GLI3: variants seen among roughly 807,000 people sequenced by gnomAD.
GLI3 encodes the protein transcription activator GLI3.
A neutral mutation model predicts 100.8 loss-of-function variants in GLI3; 20 were observed. The ratio of observed to expected loss-of-function variants is 0.20; its 90% CI spans 0.14 to 0.29. The LOEUF (loss-of-function observed/expected upper bound fraction) is 0.29. Among genes scored for constraint, GLI3 ranks in the 10% least tolerant of loss-of-function variants. The pLI is 1.00. For synonymous variants in GLI3, 938 were observed against 860.5 expected (o/e 1.09, Z -1.58); for missense variants, 2,040 against 2,128.5 (o/e 0.96, Z 0.82).
At chr7:42,258,852 A>G (rs779329936) in intron 1 of GLI3, among the ~76,000 whole-genome samples, 14 of 152,210 alleles carry the variant, frequency 9.2e-5, no homozygotes, top group Non-Finnish European at 7.3e-5. Context: ...GGATTTCAAC[A>G]TATGAATTTT....
chr7:42,223,297 T>C lies in GLI3; in HGVS notation c.-42-2A>G. On this transcript the variant is annotated splice_acceptor_variant, in intron 1 of 14. Transcript: ENST00000395925. LOFTEE classifies it low-confidence loss of function (5UTR_SPLICE). ...CAGCTCTCTTCGACCAAAAATGCCC[T>C]AAAGAAAACAACAGAGCCATCAACT... The C allele has an allele frequency of 6.4e-7, 1 of 1,552,854 alleles. No homozygotes were observed.
At chr7:42,140,597 A>G (rs1786544293) in intron 3 of GLI3, among the ~76,000 whole-genome samples, 1 of 152,220 alleles carries the variant, frequency 6.6e-6, no homozygotes, top group Non-Finnish European at 1.5e-5. Context: ...TCCAAACTAT[A>G]TCAGAAGACA....
intron 1 of GLI3, among the ~76,000 whole-genome samples, chr7:42,257,354 CTTTTT>C (rs61449410): frequency 1.5e-5 from 2 of 130,584 alleles, no homozygotes; most frequent in Non-Finnish European, 3.3e-5. Flanking sequence ...ATCATTCAGT[CTTTTT>C]TTTTTTTTTT....
intron 2 of GLI3, chr7:42,150,147 C>G (rs945182954): frequency 6.6e-6 from 1 of 152,086 alleles, no homozygotes. Context: ...ATCCTCATCC[C>G]AAACTTTATA....
intron 2 of GLI3, among the ~76,000 whole-genome samples, chr7:42,215,222 T>C (rs1207012755): frequency 1.3e-5 from 2 of 152,216 alleles, no homozygotes; most frequent in East Asian, 3.9e-4. Flanking sequence ...GGCAGCTATG[T>C]GAACTTACGG....
In GLI3 at chr7:42,193,312, G is replaced by A. The variant is rs1447948685; in HGVS notation, c.124+29818C>T. 3.3e-5 allele frequency among the ~76,000 whole-genome samples: 5 copies of A among 151,956 alleles called. No individual in the cohort carries two copies. In the East Asian group the frequency reaches 7.8e-4, roughly 24 times the overall value. On this transcript the variant is annotated intron_variant, in intron 2 of 14. Transcript: ENST00000395925. Reference sequence around the variant, plus strand: ...TTATAAACAATGAGCCCATTCAAAAGGGGTTTAAAAAAATCCCTCGAGGAA... The same window carrying A: ...TTATAAACAATGAGCCCATTCAAAAAGGGTTTAAAAAAATCCCTCGAGGAA...
In GLI3 at chr7:42,096,000, G is replaced by A. The variant is rs186346381; in HGVS notation, c.368-19143C>T. Among the ~76,000 whole-genome samples the A allele has an allele frequency of 2.0e-3, 306 of 152,248 alleles. 1 individual carries two copies. Among genetic ancestry groups the A allele is most frequent in the African/African-American group, 6.8e-3 (281 of 41,542 alleles). On this transcript the variant is annotated intron_variant, in intron 3 of 14. Transcript: ENST00000395925. The stretch of plus-strand genomic sequence containing the variant: ...GAGACACAGGACAACCACCAGTCAG[G>A]GGCCTCCAAGGGGCCAGAGGGAGGA...
At chr7:41,989,289 C>T (rs1787919085) in intron 10 of GLI3, among the ~76,000 whole-genome samples, 1 of 152,198 alleles carries the variant, frequency 6.6e-6, no homozygotes, top group Non-Finnish European at 1.5e-5. Context: ...GAAAACCATT[C>T]TCCAAAGAGG....
intron 3 of GLI3, chr7:42,145,649 A>T (rs891017860): frequency 2.5e-6 from 1 of 397,572 alleles, no homozygotes; most frequent in Admixed American, 4.4e-5. Context: ...GTCTACACTG[A>T]ATCAAATACA....
At chr7:42,164,757 G>A (rs1787204721) in intron 2 of GLI3, among the ~76,000 whole-genome samples, 1 of 151,872 alleles carries the variant, frequency 6.6e-6, no homozygotes, top group South Asian at 2.1e-4. Context: ...ATGAACTCAG[G>A]AGGTGGAGCT....
rs770842648 is a variant in GLI3 at position 41,965,761 on chromosome 7, G to A, written c.3312C>T (p.Asn1104=). 4 of 1,613,314 alleles carry A rather than the reference G, an allele frequency of 2.5e-6. No homozygotes were observed. The Admixed American group carries it at 6.7e-5, about 27-fold the overall frequency. ...GGAAGTGCTGCTCGTACCCTGCTTGGTTCTGGGAATTTAAATACTGCACCA... is the reference window on the plus strand; with the variant it reads ...GGAAGTGCTGCTCGTACCCTGCTTGATTCTGGGAATTTAAATACTGCACCA... ...DDVVQYLNSQ[N]QAGYEQHFPS... Residue 1104 remains asparagine (N), a synonymous_variant, in exon 15 of 15, where the codon AAC becomes AAT. Transcript: ENST00000395925.
chr7:41,966,373 G>A lies in GLI3; in HGVS notation c.2700C>T (p.Thr900=). The A allele has an allele frequency of 1.2e-6, 2 of 1,609,228 alleles. No homozygotes were observed. The highest frequency in any genetic ancestry group is 1.7e-6 in the Non-Finnish European group (2 of 1,179,340). ...SVADSYDPIS[T]DASRRSSEAS... is the part of the protein sequence containing the mutation. ...CTTCGCTGGAGCGGCGCGAGGCGTC[G>A]GTGGAGATGGGGTCGTAGGAGTCGG... The change falls in exon 15 of 15, where the codon ACC becomes ACT. Residue 900 remains threonine (T), a synonymous_variant. Transcript: ENST00000395925. This position sits in a 1 kb window ranked among gnomAD's most constrained non-coding sequence, Gnocchi z 5.8.
At chr7:42,067,800 A>G (rs552653025) in intron 4 of GLI3, among the ~76,000 whole-genome samples, 1 of 152,298 alleles carries the variant, frequency 6.6e-6, no homozygotes, top group Non-Finnish European at 1.5e-5. Context: ...GAATGTCTTC[A>G]AGGGCAACTG....
intron 1 of GLI3, among the ~76,000 whole-genome samples, chr7:42,248,796 T>G (rs1789001057): frequency 6.6e-6 from 1 of 151,736 alleles, no homozygotes; most frequent in Non-Finnish European, 1.5e-5. Context: ...TTTTATTCAT[T>G]TATTTTTTTT....
intron 2 of GLI3, among the ~76,000 whole-genome samples, chr7:42,164,521 AAAAAAT>A (rs532036144): frequency 4.0e-5 from 6 of 151,722 alleles, no homozygotes; most frequent in Non-Finnish European, 7.4e-5. Flanking sequence ...CTTGTCTAAA[AAAAAAT>A]AAAAATAAAA....
chr7:42,262,807 A>G (rs1789159416), intron 1 of GLI3, among the ~76,000 whole-genome samples: 1 of 152,228 alleles, frequency 6.6e-6, no homozygotes, highest in Non-Finnish European at 1.5e-5. Context: ...TTTTTAAATT[A>G]TTCATGCTAC....
At chr7:42,183,562 C>G (rs1050664871) in intron 2 of GLI3, among the ~76,000 whole-genome samples, 1 of 152,172 alleles carries the variant, frequency 6.6e-6, no homozygotes, top group South Asian at 2.1e-4. Flanking sequence ...AAATCCATGC[C>G]CCTTACAGGA....
intron 2 of GLI3, among the ~76,000 whole-genome samples, chr7:42,207,187 T>G (rs1398947510): frequency 6.6e-6 from 1 of 152,164 alleles, no homozygotes; most frequent in Non-Finnish European, 1.5e-5. Flanking sequence ...TAGAAATGTG[T>G]ATTCAGATCC....
At chr7:42,125,357 C>T (rs1039464483) in intron 3 of GLI3, among the ~76,000 whole-genome samples, 4 of 152,216 alleles carry the variant, frequency 2.6e-5, no homozygotes, top group Admixed American at 2.0e-4. Context: ...GGCTGAACAA[C>T]AGCAGCAGAC....
Sources: gnomAD v4.1 joint callset for allele counts (sites outside exome capture counted in the v4.1 genomes callset) on GRCh38, gnomAD v4.1.1 for gene constraint, Gnocchi (gnomAD v3.1) non-coding constraint, MANE v1.5 for transcripts, NCBI Gene and HGNC (gene_info 2026-07-23, HGNC 2026-07-21) for gene names.